Variants in IMPA1 observed in about 807,000 individuals in gnomAD.
IMPA1 encodes the protein D-galactose 1-phosphate phosphatase.
Under a neutral mutation model 34.9 loss-of-function variants are expected in IMPA1, and 21 were observed. The ratio of observed to expected loss-of-function variants is 0.60; its 90% confidence interval spans 0.43 to 0.87. The LOEUF (loss-of-function observed/expected upper bound fraction) is 0.87. Ranked by LOEUF, IMPA1 falls within the 40% of genes least tolerant of loss-of-function variation. The pLI, the probability that IMPA1 is intolerant of heterozygous loss-of-function variation, is 0.00. For synonymous variants in IMPA1, 95 were observed against 104.4 expected (o/e 0.91, Z 0.55); for missense variants, 299 against 336.4 (o/e 0.89, Z 0.87).
intron 1 of IMPA1, chr8:81,686,024 A>G: frequency 7.6e-7 from 1 of 1,323,726 alleles, no homozygotes; most frequent in Non-Finnish European, 1.0e-6. Flanking sequence ...CACAGAGGTT[A>G]AGTGAGGTCG....
At chr8:81,662,982 CTCTT>C (rs1167092843) in intron 7 of IMPA1, among the ~76,000 whole-genome samples, 4 of 152,134 alleles carry the variant, frequency 2.6e-5, no homozygotes, top group Non-Finnish European at 5.9e-5. Flanking sequence ...GATTATAACT[CTCTT>C]TAGTTTCATT....
At position 81,677,356 on chromosome 8, in the gene IMPA1, A is replaced by G. The variant is rs540684417; in HGVS notation, c.303-1077T>C. 7.2e-5 allele frequency among the ~76,000 whole-genome samples: 11 copies of G among 152,274 alleles called. No homozygotes were observed. The South Asian group carries it at 2.3e-3, about 32-fold the overall frequency. ...GTTATCCACCCACCTTGGCCTCCCA[A>G]AGTGCTGGGATTACAGGCATGAGCC... is the stretch of plus-strand genomic sequence containing the variant. On this transcript the variant is annotated intron_variant, in intron 4 of 8. Coordinates refer to ENST00000256108, the MANE Select transcript of IMPA1 (RefSeq NM_005536.4).
chr8:81,674,226 A>T (rs566621311), intron 5 of IMPA1: 3 of 311,916 alleles, frequency 9.6e-6, no homozygotes, highest in Non-Finnish European at 1.8e-5. Flanking sequence ...CTATTTTCTA[A>T]GTGAACGCTT....
chr8:81,681,682 C>T (rs900387987), intron 1 of IMPA1, 98 bp from the exon 2 acceptor site: 1 of 702,396 alleles, frequency 1.4e-6, no homozygotes, highest in Non-Finnish European at 2.5e-6. Flanking sequence ...TTTCAGGATT[C>T]ACCCCCTGCC....
chr8:81,666,611 C>A (rs1220330660), intron 7 of IMPA1, among the ~76,000 whole-genome samples: 1 of 152,138 alleles, frequency 6.6e-6, no homozygotes, highest in Admixed American at 6.6e-5. Flanking sequence ...CAGTGGCTCA[C>A]GCCTGTAATC....
intron 4 of IMPA1, 115 bp downstream of exon 4, chr8:81,679,011 G>C: frequency 1.6e-6 from 1 of 632,228 alleles, no homozygotes; most frequent in African/African-American, 1.8e-5. Flanking sequence ...TTAGAATAAA[G>C]AAGCATAAAC....
intron 1 of IMPA1, among the ~76,000 whole-genome samples, chr8:81,683,114 G>C (rs1278369359): frequency 1.3e-5 from 2 of 152,190 alleles, no homozygotes; most frequent in African/African-American, 4.8e-5. Context: ...GAACAGGCAT[G>C]AACTCAATCA....
chr8:81,680,856 T>G, intron 2 of IMPA1, 73 bp from the exon 3 acceptor site: 1 of 1,104,870 alleles, frequency 9.1e-7, no homozygotes, highest in South Asian at 1.4e-5. Flanking sequence ...ATAAATGGTT[T>G]AAGACATTCA....
At chr8:81,675,457 G>T (rs1448574706) in intron 5 of IMPA1, among the ~76,000 whole-genome samples, 2 of 152,108 alleles carry the variant, frequency 1.3e-5, no homozygotes, top group African/African-American at 4.8e-5. Flanking sequence ...GAGCTGTTGA[G>T]TTCAGTGGCA....
intron 7 of IMPA1, among the ~76,000 whole-genome samples, chr8:81,668,543 T>C (rs552468997): frequency 5.1e-4 from 77 of 152,198 alleles, no homozygotes; most frequent in African/African-American, 1.7e-3. Flanking sequence ...CACTGAGCTA[T>C]AATTGCACCA....
At chr8:81,674,251 C>T (rs1410748439) in intron 5 of IMPA1, 1 of 252,898 alleles carries the variant, frequency 4.0e-6, no homozygotes, top group Non-Finnish European at 7.6e-6. Context: ...GGTGTTAGGA[C>T]TCCTACCCTC....
intron 7 of IMPA1, among the ~76,000 whole-genome samples, chr8:81,667,826 C>CTT (rs200451839): frequency 2.9e-5 from 4 of 140,012 alleles, no homozygotes; most frequent in East Asian, 2.1e-4. Flanking sequence ...CTAAGGGTTT[C>CTT]TTTTTTTTTT....
intron 3 of IMPA1, among the ~76,000 whole-genome samples, 153 bp from the exon 4 acceptor site, chr8:81,679,383 G>A (rs1807225704): frequency 6.6e-6 from 1 of 152,200 alleles, no homozygotes; most frequent in Non-Finnish European, 1.5e-5. Context: ...GGAGGCCAGG[G>A]AGGGCGGATC....
rs139555224 is a variant in IMPA1 at position 81,679,182 on chromosome 8, G to A, written c.246C>T (p.Thr82=). 4.8e-5 allele frequency: 77 copies of A among 1,613,914 alleles called. No individual in the cohort carries two copies. In the East Asian group the frequency reaches 1.4e-3, roughly 28 times the overall value. Residue 82 remains threonine (T), a synonymous_variant, in exon 4 of 9, where the codon ACC becomes ACT. Transcript: ENST00000256108. The part of the protein sequence containing the change: ...SVAAGEKSIL[T]DNPTWIIDPI... ...GGTCAATGATCCATGTGGGGTTGTC[G>A]GTTAAGATACTTTTTTCCCCAGCTG...
At chr8:81,667,948 G>A (rs558304471) in intron 7 of IMPA1, among the ~76,000 whole-genome samples, 7 of 151,314 alleles carry the variant, frequency 4.6e-5, no homozygotes, top group African/African-American at 1.5e-4. Flanking sequence ...CTCAGCCTCC[G>A]GAGTAGCTGG....
chr8:81,683,441 C>T (rs1181785215), intron 1 of IMPA1, among the ~76,000 whole-genome samples: 1 of 152,110 alleles, frequency 6.6e-6, no homozygotes, highest in Non-Finnish European at 1.5e-5. Flanking sequence ...TCAGAGATAC[C>T]TGTTTTGAGG....
In IMPA1 at chr8:81,671,006, TGGAAGAGC is replaced by T; in HGVS notation, c.491_498del (p.Gly164GlufsTer12). On this transcript the variant is annotated frameshift_variant, in exon 7 of 9. Transcript: ENST00000256108. LOFTEE classifies it high-confidence loss of function. Reference sequence around the variant, plus strand: ...ACCATTCTCACAGTCTCTGGTGTTCTGGAAGAGCCCAACTCAGTCACCAAGAGAGATTT... The same window carrying T: ...ACCATTCTCACAGTCTCTGGTGTTCTCCAACTCAGTCACCAAGAGAGATTT... 6.5e-7 allele frequency: 1 copy of T among 1,530,838 alleles called. No individual in the cohort carries two copies. Among genetic ancestry groups the T allele is most frequent in the Non-Finnish European group, 8.7e-7 (1 of 1,151,036 alleles). 94.8% of individuals were successfully genotyped at this position (1,530,838 alleles called of 1,614,324 possible).
At chr8:81,671,775 T>C (rs1401552772) in intron 6 of IMPA1, among the ~76,000 whole-genome samples, 1 of 151,942 alleles carries the variant, frequency 6.6e-6, no homozygotes, top group Non-Finnish European at 1.5e-5. Flanking sequence ...TGCGCACCTG[T>C]AATCCCAGCT....
At chr8:81,660,824 G>A (rs1806651586) in intron 7 of IMPA1, among the ~76,000 whole-genome samples, 157 bp from the exon 8 acceptor site, 1 of 151,982 alleles carries the variant, frequency 6.6e-6, no homozygotes. Flanking sequence ...ATAAAAATAT[G>A]TATAAATCTA....
Sources: allele counts gnomAD v4.1 joint callset (sites outside exome capture counted in the v4.1 genomes callset), GRCh38; gene constraint gnomAD v4.1.1; transcripts MANE v1.5; gene names NCBI Gene and HGNC (gene_info 2026-07-23, HGNC 2026-07-21).